The following NDUFAB1 variants were observed in gnomAD, a reference collection of about 807,000 sequenced individuals.
The protein encoded by NDUFAB1 is NADH:ubiquinone oxidoreductase subunit AB1.
Under a neutral mutation model 16.1 loss-of-function variants are expected in NDUFAB1, and 5 were observed. That is an observed-to-expected ratio of 0.31 (90% CI 0.16 to 0.65). The LOEUF (loss-of-function observed/expected upper bound fraction) is 0.65, where lower values mean the gene tolerates loss of function less well. NDUFAB1 is among the 30% of genes least tolerant of loss of function. The pLI, the probability that NDUFAB1 is intolerant of heterozygous loss-of-function variation, is 0.77. For missense variants in NDUFAB1, 187 were observed against 205.3 expected (o/e 0.91, Z 0.54); for synonymous variants, 85 against 78.4 (o/e 1.08, Z -0.44).
rs377563251 is a variant in NDUFAB1 at position 23,596,222 on chromosome 16, G to A, written c.69C>T (p.Val23=). 52 of 1,608,450 alleles carry A rather than the reference G, an allele frequency of 3.2e-5. No individual in the cohort carries two copies. The highest frequency in any genetic ancestry group is 4.2e-5 in the Non-Finnish European group (49 of 1,178,208). Residue 23 remains valine (V), a synonymous_variant, in exon 1 of 5, where the codon GTC becomes GTT. Transcript: ENST00000007516. Reference sequence around the variant, plus strand: ...GAGGCCGGGCCACGGCCAGCATCCGGACCCGGGGCAGCGGCGCAAAGGCCG... The same window carrying A: ...GAGGCCGGGCCACGGCCAGCATCCGAACCCGGGGCAGCGGCGCAAAGGCCG... ...LPAAFAPLPR[V]RMLAVARPLS...
At chr16:23,591,910 C>T (rs1966283547) in intron 1 of NDUFAB1, among the ~76,000 whole-genome samples, 2 of 152,200 alleles carry the variant, frequency 1.3e-5, no homozygotes, top group Non-Finnish European at 2.9e-5. Flanking sequence ...TACCTGTGTG[C>T]CAAGAACTGT....
chr16:23,591,696 C>T (rs914538309), intron 1 of NDUFAB1, among the ~76,000 whole-genome samples: 3 of 152,176 alleles, frequency 2.0e-5, no homozygotes, highest in African/African-American at 7.2e-5. Context: ...CACTCTCTTC[C>T]CCCCAACAAT....
At chr16:23,595,021 G>A (rs1055717981) in intron 1 of NDUFAB1, among the ~76,000 whole-genome samples, 2 of 152,084 alleles carry the variant, frequency 1.3e-5, no homozygotes, top group South Asian at 2.1e-4. Context: ...GGGAGGCCGA[G>A]GCGGGTGGAT....
At chr16:23,591,740 AGGAG>A (rs1966281415) in intron 1 of NDUFAB1, among the ~76,000 whole-genome samples, 1 of 152,134 alleles carries the variant, frequency 6.6e-6, no homozygotes, top group African/African-American at 2.4e-5. Flanking sequence ...GTCAACCACA[AGGAG>A]GTAAGTGCCA....
At chr16:23,588,906 C>T (rs1331182336) in intron 1 of NDUFAB1, among the ~76,000 whole-genome samples, 2 of 151,418 alleles carry the variant, frequency 1.3e-5, no homozygotes, top group African/African-American at 4.9e-5. Context: ...TGAACCCAGA[C>T]AGAGGTTGCA....
At chr16:23,591,311 T>A (rs1297031553) in intron 1 of NDUFAB1, among the ~76,000 whole-genome samples, 1 of 152,216 alleles carries the variant, frequency 6.6e-6, no homozygotes, top group East Asian at 1.9e-4. Flanking sequence ...AAGGTACTGT[T>A]TGCAGGTAAA....
At chr16:23,589,346 G>A (rs1966259457) in intron 1 of NDUFAB1, among the ~76,000 whole-genome samples, 1 of 151,818 alleles carries the variant, frequency 6.6e-6, no homozygotes, top group Admixed American at 6.6e-5. Flanking sequence ...AAAGAGATGA[G>A]TTGGAGAGTA....
chr16:23,581,694 A>T (rs570416871), intron 4 of NDUFAB1, among the ~76,000 whole-genome samples: 1 of 151,812 alleles, frequency 6.6e-6, no homozygotes, highest in African/African-American at 2.4e-5. Context: ...TTACATCATT[A>T]TATCAAGTGA....
intron 3 of NDUFAB1, 41 bp downstream of exon 3, chr16:23,585,295 A>G: frequency 7.1e-7 from 1 of 1,403,028 alleles, no homozygotes; most frequent in South Asian, 1.2e-5. Flanking sequence ...AATCCACCTT[A>G]ATCAAAAATC....
chr16:23,583,931 T>C (rs1423422947), intron 3 of NDUFAB1, among the ~76,000 whole-genome samples: 1 of 151,964 alleles, frequency 6.6e-6, no homozygotes, highest in Non-Finnish European at 1.5e-5. Context: ...TCTTCTGCCT[T>C]GGGATGCTGT....
chr16:23,585,426 G>A lies in NDUFAB1; in HGVS notation c.292-3C>T. On this transcript the variant is annotated splice_region_variant and splice_polypyrimidine_tract_variant and intron_variant, in intron 2 of 4. Transcript: ENST00000007516. Reference sequence around the variant, plus strand: ...ATAAAATGAGAATTTACTGAAAGCTGCAAGAAAGGAGCACCAAACACAAAA... The same window carrying A: ...ATAAAATGAGAATTTACTGAAAGCTACAAGAAAGGAGCACCAAACACAAAA... The A allele has an allele frequency of 6.2e-7, 1 of 1,611,204 alleles. No individual in the cohort carries two copies. The highest frequency in any genetic ancestry group is 1.3e-5 in the African/African-American group (1 of 74,954).
Position 23,588,108 on chromosome 16 carries a change from C to T in NDUFAB1, c.169-789G>A, listed in dbSNP as rs192322956. 5.3e-5 allele frequency among the ~76,000 whole-genome samples: 8 copies of T among 152,292 alleles called. No homozygotes were observed. In the East Asian group the frequency reaches 5.8e-4, roughly 11 times the overall value. ...GGGTTTAATGCTGTGGAAGGTACGA[C>T]GCAGAATCAGAGAAAACAAAACAGG... On this transcript the variant is annotated intron_variant, in intron 1 of 4. Coordinates refer to ENST00000007516, the MANE Select transcript of NDUFAB1 (RefSeq NM_005003.3).
intron 1 of NDUFAB1, chr16:23,595,756 G>A (rs1364372157): frequency 1.3e-5 from 6 of 463,740 alleles, no homozygotes; most frequent in Non-Finnish European, 2.5e-5. Context: ...CCGCTATTTT[G>A]AGACCGTACG....
At chr16:23,584,254 T>TAAAAAAAAAAAAAAAAAA (rs774895056) in intron 3 of NDUFAB1, among the ~76,000 whole-genome samples, 4 of 12,120 alleles carry the variant, frequency 3.3e-4, no homozygotes, top group Non-Finnish European at 6.8e-4. Context: ...GAATGATCAA[T>TAAAAAAAAAAAAAAAAAA]TAAAAAAAAA....
In NDUFAB1 at chr16:23,587,330, G is replaced by A. The variant is rs570101434; in HGVS notation, c.169-11C>T. 24 of 1,612,174 alleles carry A rather than the reference G, an allele frequency of 1.5e-5. No homozygotes were observed. The highest frequency in any genetic ancestry group is 1.3e-4 in the Admixed American group (8 of 59,612). On this transcript the variant is annotated splice_polypyrimidine_tract_variant and intron_variant, in intron 1 of 4. Transcript: ENST00000007516. ...AACTCTACCAGGAACCTAGAGCGAC[G>A]GCAGGAAGGAAACACTGTCATTGAA...
chr16:23,590,638 C>CTATTTCTTTTTT (rs574003194), intron 1 of NDUFAB1, among the ~76,000 whole-genome samples: 5 of 131,854 alleles, frequency 3.8e-5, no homozygotes, highest in African/African-American at 8.6e-5. Flanking sequence ...CCTCTGGTCT[C>CTATTTCTTTTTT]TTTTTTTTTT....
chr16:23,589,800 G>A (rs1172959503), intron 1 of NDUFAB1, among the ~76,000 whole-genome samples: 3 of 152,182 alleles, frequency 2.0e-5, no homozygotes, highest in Non-Finnish European at 2.9e-5. Context: ...GCCGGGCATC[G>A]TGGCGTGTGC....
At chr16:23,586,784 G>A (rs1016887296) in intron 2 of NDUFAB1, among the ~76,000 whole-genome samples, 3 of 152,154 alleles carry the variant, frequency 2.0e-5, no homozygotes, top group Non-Finnish European at 4.4e-5. Context: ...GAGTAGCTGG[G>A]ATTACAGGTA....
chr16:23,582,482 A>G, intron 3 of NDUFAB1, 107 bp from the exon 4 acceptor site: 1 of 1,344,762 alleles, frequency 7.4e-7, no homozygotes, highest in East Asian at 2.9e-5. Context: ...CAAAACTTTC[A>G]GCAACCTTGA....
Sources: gnomAD v4.1 joint callset for allele counts (sites outside exome capture counted in the v4.1 genomes callset) on GRCh38, gnomAD v4.1.1 for gene constraint, MANE v1.5 for transcripts, NCBI Gene and HGNC (gene_info 2026-07-23, HGNC 2026-07-21) for gene names.